Variants in NPAS2 observed in about 807,000 individuals in gnomAD.
NPAS2 encodes neuronal PAS domain-containing protein 2.
NPAS2 carries 23 observed loss-of-function variants against 107.5 expected under a neutral mutation model. The observed-to-expected ratio is 0.21, with a 90% confidence interval of 0.15 to 0.30. The LOEUF (loss-of-function observed/expected upper bound fraction) is 0.30. Ranked by LOEUF, NPAS2 falls within the 10% of genes least tolerant of loss-of-function variation. The probability of loss-of-function intolerance (pLI) is 1.00; values close to 1 mark genes in which losing one functional copy is unlikely to be tolerated. For missense variants in NPAS2, 756 were observed against 1,043.3 expected (o/e 0.72, Z 3.79); for synonymous variants, 403 against 417.5 (o/e 0.97, Z 0.42).
At chr2:100,942,411 T>G (rs1245012182) in intron 5 of NPAS2, among the ~76,000 whole-genome samples, 4 of 150,608 alleles carry the variant, frequency 2.7e-5, no homozygotes, top group African/African-American at 9.7e-5. Flanking sequence ...TCCCATCTGA[T>G]TGATCCACAT....
intron 1 of NPAS2, among the ~76,000 whole-genome samples, chr2:100,861,342 G>C (rs1220136441): frequency 6.6e-6 from 1 of 152,180 alleles, no homozygotes; most frequent in Non-Finnish European, 1.5e-5. Flanking sequence ...AGCTCAGTCT[G>C]CTGGCTTGGG....
chr2:100,979,381 G>T (rs1266934926), intron 15 of NPAS2, among the ~76,000 whole-genome samples: 1 of 149,482 alleles, frequency 6.7e-6, no homozygotes, highest in Non-Finnish European at 1.5e-5. Flanking sequence ...GAATGTCTGT[G>T]TTTACAAGAC....
At chr2:100,907,500 A>ACACG (rs1344406577) in intron 2 of NPAS2, among the ~76,000 whole-genome samples, 1 of 151,060 alleles carries the variant, frequency 6.6e-6, no homozygotes, top group Non-Finnish European at 1.5e-5. Flanking sequence ...ACACACACAC[A>ACACG]CACACACACA....
intron 17 of NPAS2, chr2:100,988,957 G>A (rs777227370): frequency 2.7e-5 from 4 of 150,652 alleles, no homozygotes; most frequent in South Asian, 8.2e-5. Flanking sequence ...TCCTCCAGGC[G>A]CCCCCTGCTC....
chr2:100,899,282 G>T (rs902909881), intron 1 of NPAS2, among the ~76,000 whole-genome samples: 2 of 149,350 alleles, frequency 1.3e-5, no homozygotes, highest in African/African-American at 5.0e-5. Flanking sequence ...GGAGTGCAGT[G>T]GCGTGATCAC....
At chr2:100,885,399 G>A (rs1348144760) in intron 1 of NPAS2, among the ~76,000 whole-genome samples, 1 of 152,018 alleles carries the variant, frequency 6.6e-6, no homozygotes, top group Non-Finnish European at 1.5e-5. Flanking sequence ...CTTCCAAATA[G>A]GTTGCAAAAA....
intron 1 of NPAS2, among the ~76,000 whole-genome samples, chr2:100,877,438 TC>T (rs992884354): frequency 1.2e-5 from 1 of 86,040 alleles, no homozygotes; most frequent in African/African-American, 5.9e-5. Context: ...AGAGTGAGAC[TC>T]CGTCTCAAAA....
chr2:100,982,371 C>T lies in NPAS2; in HGVS notation c.1623C>T (p.Asn541=), dbSNP rs751110712. Reference sequence around the variant, plus strand: ...AGCTCTGCCTGGTCCAGGACTCCAACGTCCAGGTGATCCCCTTCCCGGGCT... The same window carrying T: ...AGCTCTGCCTGGTCCAGGACTCCAATGTCCAGGTGATCCCCTTCCCGGGCT... The part of the protein sequence containing the change: ...QEQLCLVQDS[N]VQMFLQQPAV... The change falls in exon 16 of 21, where the codon AAC becomes AAT. Residue 541 remains asparagine (N), a synonymous_variant. Coordinates refer to ENST00000335681, the MANE Select transcript of NPAS2 (RefSeq NM_002518.4). The T allele has an allele frequency of 7.7e-5, 124 of 1,613,842 alleles. No homozygotes were observed. In the East Asian group the frequency reaches 2.0e-3, roughly 27 times the overall value.
intron 7 of NPAS2, among the ~76,000 whole-genome samples, chr2:100,952,582 AC>A (rs948851246): frequency 3.0e-4 from 46 of 152,112 alleles, no homozygotes; most frequent in African/African-American, 1.1e-3. Context: ...AAACAAAAAA[AC>A]AACAACAAAA....
intron 1 of NPAS2, among the ~76,000 whole-genome samples, chr2:100,887,921 C>T (rs1680815342): frequency 6.6e-6 from 1 of 152,248 alleles, no homozygotes. Flanking sequence ...TTGCCCACAG[C>T]AGGCTAAGCC....
intron 1 of NPAS2, among the ~76,000 whole-genome samples, chr2:100,836,426 A>T (rs544896159): frequency 6.6e-6 from 1 of 152,160 alleles, no homozygotes; most frequent in Non-Finnish European, 1.5e-5. Flanking sequence ...TGGGCTGTAT[A>T]TCATTTCAGA....
chr2:100,893,433 A>G (rs1681209997), intron 1 of NPAS2, among the ~76,000 whole-genome samples: 1 of 152,086 alleles, frequency 6.6e-6, no homozygotes, highest in African/African-American at 2.4e-5. Flanking sequence ...CTTGGTTGGT[A>G]TGGTGGGGAA....
chr2:100,953,961 G>C (rs148706887), intron 7 of NPAS2, among the ~76,000 whole-genome samples: 2 of 152,194 alleles, frequency 1.3e-5, no homozygotes, highest in Non-Finnish European at 2.9e-5. Context: ...GAAGGGAAAG[G>C]TTCATGCTCT....
In NPAS2 at chr2:100,968,574, C is replaced by G. The variant is rs538819126; in HGVS notation, c.1055+146C>G. ...AGATGAAGCCCAGGCCATCCCCTGC[C>G]GTTAACAGCACAATTCCCAGAGCTC... On this transcript the variant is annotated intron_variant, in intron 11 of 20. Coordinates refer to ENST00000335681, the MANE Select transcript of NPAS2 (RefSeq NM_002518.4). The surrounding 1 kb of genome is among the most constrained non-coding windows in gnomAD (Gnocchi z 5.3). The G allele has an allele frequency of 1.4e-6, 1 of 732,158 alleles. No individual in the cohort carries two copies. Among genetic ancestry groups the G allele is most frequent in the Non-Finnish European group, 2.2e-6 (1 of 456,458 alleles). 45.4% of individuals were successfully genotyped at this position (732,158 alleles called of 1,614,324 possible). A position where few individuals can be genotyped will look rare whatever the true frequency, so the allele number is the denominator to read the frequency against.
intron 1 of NPAS2, among the ~76,000 whole-genome samples, chr2:100,828,007 G>A (rs1017608754): frequency 6.6e-6 from 1 of 152,176 alleles, no homozygotes. Flanking sequence ...GCATTCCACA[G>A]TGGCTGAACT....
intron 5 of NPAS2, 89 bp downstream of exon 5, chr2:100,937,931 T>C: frequency 9.4e-7 from 1 of 1,060,118 alleles, no homozygotes; most frequent in South Asian, 1.2e-5. Flanking sequence ...GTGGTGCAGG[T>C]GTCAGGGGGC....
chr2:100,839,391 A>G (rs1677257795), intron 1 of NPAS2, among the ~76,000 whole-genome samples: 1 of 152,146 alleles, frequency 6.6e-6, no homozygotes, highest in South Asian at 2.1e-4. Flanking sequence ...AGCCTCCCAA[A>G]GTGCTGGGAT....
chr2:100,872,743 C>CACTG (rs1338634142), intron 1 of NPAS2, among the ~76,000 whole-genome samples: 1 of 152,162 alleles, frequency 6.6e-6, no homozygotes, highest in Non-Finnish European at 1.5e-5. Flanking sequence ...TAGAGCTGAA[C>CACTG]ACTGGATGAG....
intron 1 of NPAS2, among the ~76,000 whole-genome samples, chr2:100,824,085 C>T (rs1008701933): frequency 6.6e-6 from 1 of 152,158 alleles, no homozygotes; most frequent in African/African-American, 2.4e-5. Flanking sequence ...TTAGGCCTAA[C>T]AAAAGTGATT....
Sources: allele counts gnomAD v4.1 joint callset (sites outside exome capture counted in the v4.1 genomes callset), GRCh38; gene constraint gnomAD v4.1.1; non-coding constraint Gnocchi (gnomAD v3.1); transcripts MANE v1.5; gene names NCBI Gene and HGNC (gene_info 2026-07-23, HGNC 2026-07-21).